The following TMEM59 variants were observed in gnomAD, a reference collection of about 807,000 sequenced individuals.
TMEM59 encodes dendritic cell factor 1.
Under a neutral mutation model 42.2 loss-of-function variants are expected in TMEM59, and 44 were observed. That is an observed-to-expected ratio of 1.04 (90% confidence interval 0.82 to 1.34). TMEM59 has a LOEUF of 1.34. TMEM59 is among the 40% of genes most tolerant of loss of function. The pLI, the probability that TMEM59 is intolerant of heterozygous loss-of-function variation, is 0.00. For missense variants in TMEM59, 359 were observed against 382.8 expected (o/e 0.94, Z 0.52); for synonymous variants, 148 against 145.8 (o/e 1.02, Z -0.11).
chr1:54,043,378 A>G lies in TMEM59; in HGVS notation c.538T>C (p.Phe180Leu). ...LQADDGKIVI[F>L]QSKPEIQYAP... The stretch of plus-strand genomic sequence containing the variant: ...CCATGAAGCTCAGTTGTCACCTGGA[A>G]TATAACTATTTTTCCGTCATCGGCT... Residue 180 changes from phenylalanine (F) to leucine (L), a missense_variant, in exon 4 of 8, where the codon TTC (phenylalanine) becomes CTC (leucine). Physicochemically the swap from Phe to Leu is conservative, Grantham distance 22. Transcript: ENST00000234831. The G allele has an allele frequency of 6.5e-7, 1 of 1,546,202 alleles. No individual in the cohort carries two copies. Among genetic ancestry groups the G allele is most frequent in the South Asian group, 1.3e-5 (1 of 78,924 alleles).
At chr1:54,039,888 A>G (rs1393458311) in intron 6 of TMEM59, among the ~76,000 whole-genome samples, 1 of 152,102 alleles carries the variant, frequency 6.6e-6, no homozygotes, top group Non-Finnish European at 1.5e-5. Flanking sequence ...AGAAGAGGAA[A>G]CATGCACACT....
chr1:54,046,664 G>T (rs1343345866), intron 2 of TMEM59, among the ~76,000 whole-genome samples: 1 of 152,172 alleles, frequency 6.6e-6, no homozygotes, highest in African/African-American at 2.4e-5. Context: ...AGGGGAAAAG[G>T]TGCCTCCTTC....
intron 6 of TMEM59, among the ~76,000 whole-genome samples, chr1:54,038,819 A>AG (rs1271725522): frequency 1.3e-5 from 2 of 152,138 alleles, no homozygotes; most frequent in African/African-American, 4.8e-5. Context: ...GGATCACTGA[A>AG]GGGGAAAAAG....
chr1:54,035,414 A>C (rs1445223262), intron 7 of TMEM59, among the ~76,000 whole-genome samples: 1 of 152,196 alleles, frequency 6.6e-6, no homozygotes, highest in East Asian at 1.9e-4. Context: ...ATATTTAGTT[A>C]TATAAATACT....
rs1475198832 is a variant in TMEM59 at position 54,027,856 on chromosome 1, A to G, written c.*4294T>C. 2 of 152,176 alleles carry G rather than the reference A, an allele frequency of 1.3e-5. No individual in the cohort carries two copies. The highest frequency in any genetic ancestry group is 2.9e-5 in the Non-Finnish European group (2 of 68,038). The allele number at this position is 152,176 out of a possible 1,614,324, so 9.4% of individuals were successfully genotyped here. ...TCTAAAAACTGTGCTCCAGAATTTA[A>G]TTACCACAAGGAGTTAGAAAATCCA... On this transcript the variant is annotated 3_prime_UTR_variant, in exon 8 of 8. Transcript: ENST00000234831.
rs1310510635 is a variant in TMEM59 at position 54,048,366 on chromosome 1, T to C, written c.190-994A>G. On this transcript the variant is annotated intron_variant, in intron 1 of 7. Coordinates refer to ENST00000234831, the MANE Select transcript of TMEM59 (RefSeq NM_004872.5). ...TCATCAAAAAAGGAGAGAACAGCCA[T>C]TATCTCCAAATTCCTCAATAATTTG... 5.9e-5 allele frequency among the ~76,000 whole-genome samples: 9 copies of C among 152,328 alleles called. No individual in the cohort carries two copies. In the East Asian group the frequency reaches 1.7e-3, roughly 29 times the overall value.
In TMEM59 at chr1:54,029,602, T is replaced by C. The variant is rs141574430; in HGVS notation, c.*2548A>G. On this transcript the variant is annotated 3_prime_UTR_variant, in exon 8 of 8. Transcript: ENST00000234831. ...AAGGGGCTTGGAAGCTCAGTTTTGT[T>C]GCTTTGGTTGGGATTTTCAAGATCG... The C allele has an allele frequency of 1.8e-3, 280 of 152,318 alleles. 4 individuals carry two copies. The highest frequency in any genetic ancestry group is 6.6e-3 in the African/African-American group (273 of 41,564). The allele number at this position is 152,318 out of a possible 1,614,324, so 9.4% of individuals were successfully genotyped here.
chr1:54,041,157 C>G (rs1657126051), intron 5 of TMEM59, among the ~76,000 whole-genome samples: 1 of 152,020 alleles, frequency 6.6e-6, no homozygotes, highest in African/African-American at 2.4e-5. Flanking sequence ...CATTATCTAC[C>G]CACTCCCACC....
intron 6 of TMEM59, among the ~76,000 whole-genome samples, chr1:54,037,049 T>C (rs916005523): frequency 6.6e-6 from 1 of 152,200 alleles, no homozygotes; most frequent in Non-Finnish European, 1.5e-5. Flanking sequence ...GTTGTACAAA[T>C]GTCATATATT....
chr1:54,045,311 A>G (rs1285362686), intron 3 of TMEM59, among the ~76,000 whole-genome samples: 2 of 152,230 alleles, frequency 1.3e-5, no homozygotes, highest in Non-Finnish European at 2.9e-5. Context: ...TTTGGAAGTT[A>G]ATTTAAAAAT....
At chr1:54,045,091 T>G (rs983953130) in intron 3 of TMEM59, 1 of 152,122 alleles carries the variant, frequency 6.6e-6, no homozygotes, top group South Asian at 2.1e-4. Flanking sequence ...GTCTGGAGAA[T>G]AGAGTATGAA....
intron 2 of TMEM59, 70 bp from the exon 3 acceptor site, chr1:54,045,856 C>A (rs1440980796): frequency 2.2e-6 from 3 of 1,386,270 alleles, no homozygotes; most frequent in Admixed American, 2.4e-5. Context: ...AAGGATTTGG[C>A]ATTTTATTAA....
chr1:54,037,461 A>G (rs1656990762), intron 6 of TMEM59, among the ~76,000 whole-genome samples: 1 of 152,260 alleles, frequency 6.6e-6, no homozygotes, highest in South Asian at 2.1e-4. Flanking sequence ...CATGGGCGCA[A>G]GCCATTCTCC....
At chr1:54,047,779 A>G (rs898883551) in intron 1 of TMEM59, 3 of 215,804 alleles carry the variant, frequency 1.4e-5, no homozygotes, top group Non-Finnish European at 1.8e-5. Context: ...TGGACTATAT[A>G]GCGAGACCCC....
In TMEM59 at chr1:54,045,775, C is replaced by T. The variant is rs780439644; in HGVS notation, c.307G>A (p.Ala103Thr). The T allele has an allele frequency of 6.2e-7, 1 of 1,613,260 alleles. No homozygotes were observed. The highest frequency in any genetic ancestry group is 2.2e-5 in the East Asian group (1 of 44,876). Residue 103 changes from alanine to threonine, a missense_variant, in exon 3 of 8, where the codon GCA (alanine) becomes ACA (threonine). Coordinates refer to ENST00000234831, the MANE Select transcript of TMEM59 (RefSeq NM_004872.5). ...TATTGCTCATCAGATTGGGAATATGCTTCTGTACATGCTGTAAGAGAAAAA... is the reference window on the plus strand; with the variant it reads ...TATTGCTCATCAGATTGGGAATATGTTTCTGTACATGCTGTAAGAGAAAAA... ...KLECESACTE[A>T]YSQSDEQYAC...
At chr1:54,042,243 G>T (rs531876540) in intron 4 of TMEM59, among the ~76,000 whole-genome samples, 31 of 152,202 alleles carry the variant, frequency 2.0e-4, no homozygotes, top group Admixed American at 8.5e-4. Context: ...CCCTAAGTAT[G>T]AGGAATCCAT....
rs772939523 is a variant in TMEM59 at position 54,032,148 on chromosome 1, G to C, written c.*2C>G. 6.2e-7 allele frequency: 1 copy of C among 1,604,900 alleles called. No homozygotes were observed. Among genetic ancestry groups the C allele is most frequent in the Non-Finnish European group, 8.5e-7 (1 of 1,176,246 alleles). ...TACACTTGTCTTTTAAAAGAAAAATGCTTAAATTTCAGAATGAGCAAGATT... is the reference window on the plus strand; with the variant it reads ...TACACTTGTCTTTTAAAAGAAAAATCCTTAAATTTCAGAATGAGCAAGATT... On this transcript the variant is annotated 3_prime_UTR_variant, in exon 8 of 8. Coordinates refer to ENST00000234831, the MANE Select transcript of TMEM59 (RefSeq NM_004872.5).
intron 6 of TMEM59, among the ~76,000 whole-genome samples, chr1:54,039,690 C>T (rs555195589): frequency 6.6e-6 from 1 of 152,274 alleles, no homozygotes; most frequent in East Asian, 1.9e-4. Context: ...ATAGAACAGT[C>T]CACTAGAATG....
rs1260674616 is a variant in TMEM59 at position 54,029,574 on chromosome 1, G to A, written c.*2576C>T. ...AAGAAGGGCAAAACTGTTACTTTAG[G>A]AGAAGGGGCTTGGAAGCTCAGTTTT... On this transcript the variant is annotated 3_prime_UTR_variant, in exon 8 of 8. Coordinates refer to ENST00000234831, the MANE Select transcript of TMEM59 (RefSeq NM_004872.5). 1 of 152,182 alleles carries A rather than the reference G, an allele frequency of 6.6e-6. No individual in the cohort carries two copies. Among genetic ancestry groups the A allele is most frequent in the African/African-American group, 2.4e-5 (1 of 41,452 alleles). The allele number at this position is 152,182 out of a possible 1,614,324, so 9.4% of individuals were successfully genotyped here.
Sources: allele counts gnomAD v4.1 joint callset (sites outside exome capture counted in the v4.1 genomes callset), GRCh38; gene constraint gnomAD v4.1.1; transcripts MANE v1.5; gene names NCBI Gene and HGNC (gene_info 2026-07-23, HGNC 2026-07-21).